Variants in CCDC172 observed in about 807,000 individuals in gnomAD.
CCDC172 encodes coiled-coil domain-containing protein 172.
Under a neutral mutation model 38.0 loss-of-function variants are expected in CCDC172, and 30 were observed. That is an observed-to-expected ratio of 0.79 (90% CI 0.59 to 1.07). The LOEUF (loss-of-function observed/expected upper bound fraction) is 1.07, where lower values mean the gene tolerates loss of function less well. CCDC172 is among the 50% of genes least tolerant of loss of function. The pLI is 0.00. For missense variants in CCDC172, 297 were observed against 290.1 expected (o/e 1.02, Z -0.17); for synonymous variants, 78 against 88.3 (o/e 0.88, Z 0.66).
At chr10:116,361,032 CTATTATTATTATTAT>C (rs140026446) in intron 7 of CCDC172, among the ~76,000 whole-genome samples, 82,719 of 142,040 alleles carry the variant, frequency 0.58, 25,577 homozygotes, top group South Asian at 0.75. Context: ...ACCCCCAAAC[CTATTATTATTATTAT>C]TATTATTATT....
At chr10:116,338,142 G>A (rs1165629012) in intron 3 of CCDC172, among the ~76,000 whole-genome samples, 1 of 152,130 alleles carries the variant, frequency 6.6e-6, no homozygotes, top group Non-Finnish European at 1.5e-5. Context: ...ACCTTGATCT[G>A]TTGATGTCCT....
chr10:116,328,604 TTTTG>T (rs1207127320), intron 3 of CCDC172, among the ~76,000 whole-genome samples: 1 of 152,126 alleles, frequency 6.6e-6, no homozygotes, highest in African/African-American at 2.4e-5. Flanking sequence ...TTTGTGAATA[TTTTG>T]TTTATTTTTT....
chr10:116,346,468 A>C (rs1565716221), intron 5 of CCDC172, among the ~76,000 whole-genome samples: 1 of 152,130 alleles, frequency 6.6e-6, no homozygotes, highest in Non-Finnish European at 1.5e-5. Context: ...AGCCATGGCA[A>C]GCAGATCAAT....
intron 5 of CCDC172, among the ~76,000 whole-genome samples, chr10:116,349,457 C>A (rs1302925086): frequency 1.3e-5 from 2 of 152,090 alleles, no homozygotes; most frequent in Non-Finnish European, 1.5e-5. Context: ...TTCAGGAAAT[C>A]CTTCTGTGAT....
chr10:116,337,195 C>T (rs1158966315), intron 3 of CCDC172, among the ~76,000 whole-genome samples: 3 of 151,710 alleles, frequency 2.0e-5, no homozygotes, highest in African/African-American at 7.3e-5. Context: ...CTCTCGTCAC[C>T]CAGGCTGGAG....
At chr10:116,351,503 A>T (rs1844930156) in intron 5 of CCDC172, among the ~76,000 whole-genome samples, 1 of 152,208 alleles carries the variant, frequency 6.6e-6, no homozygotes, top group Non-Finnish European at 1.5e-5. Context: ...CTGTTCAGAA[A>T]TTGGGATTTA....
At chr10:116,326,145 G>C (rs1844590161) in intron 3 of CCDC172, among the ~76,000 whole-genome samples, 1 of 152,204 alleles carries the variant, frequency 6.6e-6, no homozygotes, top group Admixed American at 6.5e-5. Flanking sequence ...GGTGGCACAT[G>C]CTTGTAGTTC....
chr10:116,333,211 A>G (rs554928429), intron 3 of CCDC172, among the ~76,000 whole-genome samples: 2 of 152,020 alleles, frequency 1.3e-5, no homozygotes, highest in South Asian at 2.1e-4. Context: ...TCATGTTGTT[A>G]TTCTGTGAGA....
intron 3 of CCDC172, among the ~76,000 whole-genome samples, chr10:116,325,914 G>C (rs1169536465): frequency 1.3e-5 from 2 of 152,204 alleles, no homozygotes. Flanking sequence ...AGAAGCAAGA[G>C]AGTCTGATGG....
chr10:116,356,478 A>G (rs1419460614), intron 5 of CCDC172, among the ~76,000 whole-genome samples: 1 of 152,118 alleles, frequency 6.6e-6, no homozygotes, highest in Non-Finnish European at 1.5e-5. Flanking sequence ...AGAAGAGACC[A>G]GTGAATTTAG....
At chr10:116,353,655 G>A (rs1589954379) in intron 5 of CCDC172, among the ~76,000 whole-genome samples, 1 of 152,284 alleles carries the variant, frequency 6.6e-6, no homozygotes. Context: ...AAAGACAGTG[G>A]TATTGATGAT....
At chr10:116,369,087 T>C (rs1247121746) in intron 7 of CCDC172, among the ~76,000 whole-genome samples, 1 of 152,080 alleles carries the variant, frequency 6.6e-6, no homozygotes, top group Non-Finnish European at 1.5e-5. Flanking sequence ...GAATAGACTA[T>C]TGTGTTCAAA....
chr10:116,329,374 C>G (rs528477712), intron 3 of CCDC172, among the ~76,000 whole-genome samples: 1 of 151,902 alleles, frequency 6.6e-6, no homozygotes, highest in Non-Finnish European at 1.5e-5. Context: ...ATTCTTTGAC[C>G]CCAGGGCCTT....
intron 5 of CCDC172, among the ~76,000 whole-genome samples, chr10:116,348,544 A>T (rs536418386): frequency 6.6e-6 from 1 of 152,144 alleles, no homozygotes; most frequent in East Asian, 1.9e-4. Flanking sequence ...TTGATTTATT[A>T]TTTTTTAACC....
intron 5 of CCDC172, among the ~76,000 whole-genome samples, chr10:116,353,493 T>G (rs1349501061): frequency 1.3e-5 from 2 of 152,156 alleles, no homozygotes; most frequent in African/African-American, 4.8e-5. Flanking sequence ...TATAAGGGAC[T>G]TGTATTCAGA....
chr10:116,344,730 CTTT>C (rs1232163038), intron 5 of CCDC172, among the ~76,000 whole-genome samples: 6 of 151,872 alleles, frequency 4.0e-5, no homozygotes, highest in Admixed American at 3.9e-4. Context: ...CTTTATAAAC[CTTT>C]TATTATTTTT....
chr10:116,369,898 A>C (rs549207660), intron 7 of CCDC172, among the ~76,000 whole-genome samples: 1 of 152,020 alleles, frequency 6.6e-6, no homozygotes, highest in South Asian at 2.1e-4. Context: ...AAGTTTTGCC[A>C]GTGTGATAGA....
chr10:116,341,411 A>T (rs1020894880), intron 4 of CCDC172, among the ~76,000 whole-genome samples: 1 of 152,098 alleles, frequency 6.6e-6, no homozygotes, highest in African/African-American at 2.4e-5. Flanking sequence ...ATTCATTGAC[A>T]TAGCTTAGAA....
At chr10:116,336,365 G>A (rs147544901) in intron 3 of CCDC172, among the ~76,000 whole-genome samples, 1 of 118,932 alleles carries the variant, frequency 8.4e-6, no homozygotes, top group East Asian at 2.7e-4. Flanking sequence ...GTGACTGATA[G>A]GAGAGATGGC....
Sources: gnomAD v4.1 joint callset for allele counts (sites outside exome capture counted in the v4.1 genomes callset) on GRCh38, gnomAD v4.1.1 for gene constraint, MANE v1.5 for transcripts, NCBI Gene and HGNC (gene_info 2026-07-23, HGNC 2026-07-21) for gene names.